TCTN1: variants seen among roughly 807,000 people sequenced by gnomAD.
The protein encoded by TCTN1 is tectonic-1.
TCTN1 carries 58 observed loss-of-function variants against 65.8 expected under a neutral mutation model. The ratio of observed to expected loss-of-function variants is 0.88; its 90% CI spans 0.71 to 1.10. The LOEUF (loss-of-function observed/expected upper bound fraction) is 1.10. TCTN1 is among the 50% of genes least tolerant of loss of function. The pLI, the probability that TCTN1 is intolerant of heterozygous loss-of-function variation, is 0.00. For missense variants in TCTN1, 645 were observed against 719.4 expected (o/e 0.90, Z 1.18); for synonymous variants, 273 against 289.1 (o/e 0.94, Z 0.57).
chr12:110,642,695 G>A (rs551700800), intron 11 of TCTN1, among the ~76,000 whole-genome samples: 3 of 151,986 alleles, frequency 2.0e-5, no homozygotes, highest in Admixed American at 2.0e-4. Flanking sequence ...TGACCTCCTG[G>A]GCTCAAGGGA....
At position 110,630,907 on chromosome 12, in the gene TCTN1, G is replaced by T. The variant is rs559634844; in HGVS notation, c.625-1565G>T. On this transcript the variant is annotated intron_variant, in intron 4 of 14. Coordinates refer to ENST00000397659, the MANE Select transcript of TCTN1 (RefSeq NM_001082538.3). ...ACCATTGTCTCCATTTACCTGATGAGAAAAACTTAGGCACAGGAAAGCAAC... is the reference window on the plus strand; with the variant it reads ...ACCATTGTCTCCATTTACCTGATGATAAAAACTTAGGCACAGGAAAGCAAC... 2.0e-5 allele frequency among the ~76,000 whole-genome samples: 3 copies of T among 152,304 alleles called. No homozygotes were observed. The South Asian group carries it at 6.2e-4, about 32-fold the overall frequency.
chr12:110,641,581 T>A lies in TCTN1; in HGVS notation c.1144T>A (p.Tyr382Asn), dbSNP rs1263679162. Residue 382 changes from tyrosine (Y) to asparagine (N), a missense_variant, in exon 10 of 15, where the codon TAT becomes AAT. Physicochemically the swap from Tyr to Asn is moderately radical, Grantham distance 143 (BLOSUM62 -2). Coordinates refer to ENST00000397659, the MANE Select transcript of TCTN1 (RefSeq NM_001082538.3). ...QPVPLSGNPG[Y>N]VVGLPLAAGF... Reference sequence around the variant, plus strand: ...AGTCCCTCTCAGTGGAAACCCTGGTTATGTCGTGGGGCTCCCATTAGCTGC... The same window carrying A: ...AGTCCCTCTCAGTGGAAACCCTGGTAATGTCGTGGGGCTCCCATTAGCTGC... 1 of 1,614,144 alleles carries A rather than the reference T, an allele frequency of 6.2e-7. No homozygotes were observed. Among genetic ancestry groups the A allele is most frequent in the African/African-American group, 1.3e-5 (1 of 74,948 alleles).
Position 110,629,193 on chromosome 12 carries a change from A to G in TCTN1, c.624+275A>G, listed in dbSNP as rs187051501. On this transcript the variant is annotated intron_variant, in intron 4 of 14. Coordinates refer to ENST00000397659, the MANE Select transcript of TCTN1 (RefSeq NM_001082538.3). The stretch of plus-strand genomic sequence containing the variant: ...TCAGGACATAGACATGGGCAAAGAC[A>G]TCATGAGTAAAACAACCAAAAGCAA... 4,005 of 517,774 alleles carry G rather than the reference A, an allele frequency of 7.7e-3. 15 individuals are homozygous for G. Among genetic ancestry groups the G allele is most frequent in the Non-Finnish European group, 9.2e-3 (2,727 of 296,834 alleles). 32.1% of individuals were successfully genotyped at this position (517,774 alleles called of 1,614,324 possible).
intron 4 of TCTN1, among the ~76,000 whole-genome samples, chr12:110,631,055 C>A (rs753826843): frequency 2.6e-5 from 4 of 152,110 alleles, no homozygotes; most frequent in Non-Finnish European, 5.9e-5. Flanking sequence ...CAACCTCCGC[C>A]TCTCAGGTTC....
intron 3 of TCTN1, chr12:110,628,114 C>T (rs1189887419): frequency 6.5e-7 from 1 of 1,536,042 alleles, no homozygotes; most frequent in Non-Finnish European, 8.7e-7. Context: ...TCTTTCATTC[C>T]CATAGCCATC....
At chr12:110,636,381 A>G (rs779446734) in intron 6 of TCTN1, 100 bp from the exon 7 acceptor site, 2 of 812,842 alleles carry the variant, frequency 2.5e-6, no homozygotes, top group South Asian at 2.8e-5. Context: ...GAAGCCTTTA[A>G]TAAGATGAAT....
In TCTN1 at chr12:110,614,319, G is replaced by A; in HGVS notation, c.137G>A (p.Gly46Glu). The change falls in exon 1 of 15, where the codon GGA becomes GAA. Residue 46 changes from glycine (G) to glutamate (E), a missense_variant. By Grantham distance (98) the Gly-to-Glu change is moderately conservative. Coordinates refer to ENST00000397659, the MANE Select transcript of TCTN1 (RefSeq NM_001082538.3). Reference protein sequence around the residue: ...NSTEAALATFGTFPSTRPPGT... With the variant: ...NSTEAALATFETFPSTRPPGT... Reference sequence around the variant, plus strand: ...ACCGAGGCAGCCCTGGCCACCTTCGGAACTTTCCCGTCGACCAGGCCCCCC... The same window carrying A: ...ACCGAGGCAGCCCTGGCCACCTTCGAAACTTTCCCGTCGACCAGGCCCCCC... The A allele has an allele frequency of 6.2e-7, 1 of 1,604,762 alleles. No homozygotes were observed. The highest frequency in any genetic ancestry group is 1.1e-5 in the South Asian group (1 of 89,394).
At chr12:110,615,099 T>A (rs925953631) in intron 1 of TCTN1, among the ~76,000 whole-genome samples, 3 of 152,168 alleles carry the variant, frequency 2.0e-5, no homozygotes, top group Non-Finnish European at 2.9e-5. Flanking sequence ...AAGATCAGTC[T>A]GGTCAAAATG....
chr12:110,641,311 C>T (rs1194238140), intron 9 of TCTN1, among the ~76,000 whole-genome samples, 162 bp downstream of exon 9: 1 of 152,158 alleles, frequency 6.6e-6, no homozygotes, highest in Non-Finnish European at 1.5e-5. Flanking sequence ...CAAGCATTCT[C>T]CTTGTATCTT....
Position 110,642,132 on chromosome 12 carries a change from A to C in TCTN1, c.1191-117A>C, listed in dbSNP as rs573737455. ...CCTGGGAAATAGCTGTCAAAATCCC[A>C]GAGGCCCAGAAAAAGTGTATTTGGG... On this transcript the variant is annotated intron_variant, in intron 10 of 14. Transcript: ENST00000397659. The C allele has an allele frequency of 9.2e-5, 125 of 1,359,484 alleles. No individual in the cohort carries two copies. In the Middle Eastern group the frequency reaches 9.6e-4, roughly 10 times the overall value. 84.2% of individuals were successfully genotyped at this position (1,359,484 alleles called of 1,614,324 possible). A position where few individuals can be genotyped will look rare whatever the true frequency, so the allele number is the denominator to read the frequency against.
rs751956687 is a variant in TCTN1, at chr12:110,647,822, A to C, written c.1709A>C (p.Glu570Ala). ...VTFVDVSAPA[E>A]AGFRAPPAIN... ...TTTGTGGATGTGTCTGCACCTGCAG[A>C]GGCAGGCTTCAGAGCTCCACCAGCC... The change falls in exon 14 of 15, where the codon GAG (glutamate) becomes GCG (alanine). Residue 570 changes from glutamate (E) to alanine (A), a missense_variant. Glu to Ala is a moderately radical substitution (Grantham distance 107). Coordinates refer to ENST00000397659, the MANE Select transcript of TCTN1 (RefSeq NM_001082538.3). The C allele has an allele frequency of 6.2e-7, 1 of 1,614,220 alleles. No homozygotes were observed. The highest frequency in any genetic ancestry group is 1.1e-5 in the South Asian group (1 of 91,086).
At chr12:110,635,499 T>A (rs900062532) in intron 6 of TCTN1, among the ~76,000 whole-genome samples, 2 of 152,156 alleles carry the variant, frequency 1.3e-5, no homozygotes, top group Non-Finnish European at 2.9e-5. Context: ...TGCACACCTG[T>A]GGTCCCAGCT....
chr12:110,636,274 A>G (rs971310581), intron 6 of TCTN1: 7 of 497,190 alleles, frequency 1.4e-5, no homozygotes, highest in East Asian at 3.7e-5. Context: ...AAATGAAGAT[A>G]GAAGGAAAAC....
intron 4 of TCTN1, 155 bp downstream of exon 4, chr12:110,629,073 T>G: frequency 1.2e-6 from 1 of 837,264 alleles, no homozygotes; most frequent in Non-Finnish European, 1.9e-6. Flanking sequence ...TCAAAGATCA[T>G]GAAAATTAAA....
At chr12:110,645,236 GTGGGAGCGC>G in intron 12 of TCTN1, 107 bp downstream of exon 12, 2 of 1,445,352 alleles carry the variant, frequency 1.4e-6, no homozygotes, top group Non-Finnish European at 1.9e-6. Context: ...ATGGCCCTGA[GTGGGAGCGC>G]GGGCTGAATC....
At chr12:110,634,950 TA>T (rs1444199961) in intron 6 of TCTN1, among the ~76,000 whole-genome samples, 171 bp downstream of exon 6, 7 of 152,258 alleles carry the variant, frequency 4.6e-5, no homozygotes, top group African/African-American at 1.4e-4. Flanking sequence ...AAATAATTTT[TA>T]TTTTTTTATA....
chr12:110,626,584 A>G lies in TCTN1; in HGVS notation c.472+92A>G, dbSNP rs760149711. ...GTGTCAGATTTATTTTATAATTATG[A>G]TTATGGTTTTTTTGAGACAGAGTCT... On this transcript the variant is annotated intron_variant, in intron 3 of 14. Coordinates refer to ENST00000397659, the MANE Select transcript of TCTN1 (RefSeq NM_001082538.3). 345 of 1,357,720 alleles carry G rather than the reference A, an allele frequency of 2.5e-4. 1 individual carries two copies. The highest frequency in any genetic ancestry group is 1.5e-4 in the Non-Finnish European group (149 of 994,628). The allele number at this position is 1,357,720 out of a possible 1,614,324, so 84.1% of individuals were successfully genotyped here.
In TCTN1 at chr12:110,617,605, C is replaced by T. The variant is rs183042681; in HGVS notation, c.221-2231C>T. On this transcript the variant is annotated intron_variant, in intron 1 of 14. Transcript: ENST00000397659. ...GCCTTCCAGAGTGCTAGGATACAGG[C>T]GTGAGCTATGGGATACATTTTTCTT... Among the ~76,000 whole-genome samples the T allele has an allele frequency of 5.9e-4, 90 of 151,270 alleles. 1 individual carries two copies. The highest frequency in any genetic ancestry group is 1.2e-3 in the Non-Finnish European group (80 of 67,866).
intron 11 of TCTN1, among the ~76,000 whole-genome samples, chr12:110,643,154 C>T (rs1484896740): frequency 6.6e-6 from 1 of 151,380 alleles, no homozygotes; most frequent in African/African-American, 2.4e-5. Context: ...CCTCCCATCT[C>T]AGCCTCCTAA....
Sources: gnomAD v4.1 joint callset for allele counts (sites outside exome capture counted in the v4.1 genomes callset) on GRCh38, gnomAD v4.1.1 for gene constraint, MANE v1.5 for transcripts, NCBI Gene and HGNC (gene_info 2026-07-23, HGNC 2026-07-21) for gene names.